The following OTOA variants were observed in gnomAD, a reference collection of about 807,000 sequenced individuals.
The protein encoded by OTOA is otoancorin, also known as cancer/testis antigen 108.
A neutral mutation model predicts 110.8 loss-of-function variants in OTOA; 70 were observed. That is an observed-to-expected ratio of 0.63 (90% confidence interval 0.52 to 0.77). OTOA has a LOEUF of 0.77. Among genes scored for constraint, OTOA ranks in the 30% least tolerant of loss-of-function variants. The probability of loss-of-function intolerance (pLI) is 0.00; values close to 1 mark genes in which losing one functional copy is unlikely to be tolerated. For synonymous variants in OTOA, 373 were observed against 431.5 expected (o/e 0.86, Z 1.68); for missense variants, 917 against 1,075.8 (o/e 0.85, Z 2.06).
At position 21,663,985 on chromosome 16, in the gene OTOA, C is replaced by T. The variant is rs951736709; in HGVS notation, c.-252C>T. On this transcript the variant is annotated 5_prime_UTR_variant, in exon 1 of 29. Transcript: ENST00000646100. ...TCCTAGCTGCCGCCCCGAAGAGTGGCTGGGGAGCAGGCATTTGTGCGTCTT... is the reference window on the plus strand; with the variant it reads ...TCCTAGCTGCCGCCCCGAAGAGTGGTTGGGGAGCAGGCATTTGTGCGTCTT... 1 of 152,252 alleles carries T rather than the reference C, an allele frequency of 6.6e-6. No individual in the cohort carries two copies. The highest frequency in any genetic ancestry group is 2.4e-5 in the African/African-American group (1 of 41,458). The allele number at this position is 152,252 out of a possible 1,614,324, so 9.4% of individuals were successfully genotyped here. A position where few individuals can be genotyped will look rare whatever the true frequency, so the allele number is the denominator to read the frequency against.
chr16:21,666,243 ATTTT>A (rs61085785), intron 1 of OTOA, among the ~76,000 whole-genome samples: 1 of 129,012 alleles, frequency 7.8e-6, no homozygotes, highest in Admixed American at 8.0e-5. Context: ...ATGAAATGGC[ATTTT>A]TTTTTTTTTT....
At chr16:21,689,565 T>A (rs139831059) in intron 8 of OTOA, among the ~76,000 whole-genome samples, 102 of 152,218 alleles carry the variant, frequency 6.7e-4, no homozygotes, top group Middle Eastern at 3.4e-3. Flanking sequence ...AATTGAATAG[T>A]TTTAGGTGTA....
chr16:21,678,194 A>G (rs1392004358), intron 1 of OTOA, among the ~76,000 whole-genome samples: 1 of 151,978 alleles, frequency 6.6e-6, no homozygotes, highest in Non-Finnish European at 1.5e-5. Flanking sequence ...CCCAGAGTCT[A>G]CTTTTGACTA....
At chr16:21,731,343 G>T (rs1369102564) in intron 21 of OTOA, among the ~76,000 whole-genome samples, 17 of 152,182 alleles carry the variant, frequency 1.1e-4, no homozygotes. Flanking sequence ...TTACATTTGG[G>T]CATGACGCTT....
chr16:21,665,851 C>T (rs1966839658), intron 1 of OTOA, among the ~76,000 whole-genome samples: 1 of 151,598 alleles, frequency 6.6e-6, no homozygotes, highest in Non-Finnish European at 1.5e-5. Flanking sequence ...TTTTTCCAGC[C>T]AGGGTTTTGC....
chr16:21,673,944 C>T (rs1386964174), intron 1 of OTOA, among the ~76,000 whole-genome samples: 3 of 151,468 alleles, frequency 2.0e-5, no homozygotes, highest in African/African-American at 7.3e-5. Context: ...ACTACAGGCG[C>T]CCACCACCAC....
intron 18 of OTOA, among the ~76,000 whole-genome samples, chr16:21,725,176 T>C (rs1898874291): frequency 6.6e-6 from 1 of 152,220 alleles, no homozygotes; most frequent in South Asian, 2.1e-4. Flanking sequence ...TTATATTTGG[T>C]GCCTAGAACA....
At chr16:21,692,572 G>A (rs1375889935) in intron 9 of OTOA, among the ~76,000 whole-genome samples, 1 of 152,098 alleles carries the variant, frequency 6.6e-6, no homozygotes, top group Non-Finnish European at 1.5e-5. Context: ...GGCTGGTAGT[G>A]ACGGTTGCAC....
chr16:21,705,515 A>C, intron 12 of OTOA: 1 of 686,676 alleles, frequency 1.5e-6, no homozygotes, highest in South Asian at 1.9e-5. Context: ...AAATTTAATC[A>C]GAAAGCTGTC....
chr16:21,676,076 C>T (rs1455315722), intron 1 of OTOA, among the ~76,000 whole-genome samples: 1 of 152,012 alleles, frequency 6.6e-6, no homozygotes, highest in Non-Finnish European at 1.5e-5. Flanking sequence ...CCTGCCACAT[C>T]CCTGGCAAAG....
At chr16:21,728,502 C>A in intron 20 of OTOA, 71 bp downstream of exon 20, 2 of 1,531,532 alleles carry the variant, frequency 1.3e-6, no homozygotes, top group Non-Finnish European at 1.8e-6. Context: ...CCTTGGCTCT[C>A]CTGCCCTGCA....
chr16:21,723,286 A>G (rs1284981880), intron 18 of OTOA, among the ~76,000 whole-genome samples: 1 of 152,152 alleles, frequency 6.6e-6, no homozygotes, highest in East Asian at 1.9e-4. Context: ...CAGGGGAATC[A>G]GAGTTGAGGG....
At chr16:21,738,354 G>A (rs1320927023) in intron 22 of OTOA, among the ~76,000 whole-genome samples, 1 of 117,256 alleles carries the variant, frequency 8.5e-6, no homozygotes, top group Admixed American at 1.0e-4. Context: ...TTTACTCTGG[G>A]TGGAGGCATC....
chr16:21,691,927 T>C (rs1213757928), intron 9 of OTOA, among the ~76,000 whole-genome samples: 1 of 152,188 alleles, frequency 6.6e-6, no homozygotes, highest in Non-Finnish European at 1.5e-5. Flanking sequence ...ATCTATGTTG[T>C]GTCCTAGTTT....
chr16:21,694,682 G>T (rs930949940), intron 9 of OTOA, among the ~76,000 whole-genome samples: 1 of 152,242 alleles, frequency 6.6e-6, no homozygotes, highest in East Asian at 1.9e-4. Context: ...AAATACAAAG[G>T]CCCTGAGATG....
rs563668852 is a variant in OTOA at position 21,722,028 on chromosome 16, AGCCTG to A, written c.1807-873_1807-869del. 8.6e-5 allele frequency among the ~76,000 whole-genome samples: 13 copies of A among 151,498 alleles called. No individual in the cohort carries two copies. The South Asian group carries it at 2.7e-3, about 32-fold the overall frequency. On this transcript the variant is annotated intron_variant, in intron 17 of 28. Coordinates refer to ENST00000646100, the MANE Select transcript of OTOA (RefSeq NM_144672.4). ...TACTTGAGGTTAGGAGTTCGAAACCAGCCTGGCCAACCTAAAAAAATTTTTAAAAA... is the reference window on the plus strand; with the variant it reads ...TACTTGAGGTTAGGAGTTCGAAACCAGCCAACCTAAAAAAATTTTTAAAAA...
intron 23 of OTOA, among the ~76,000 whole-genome samples, chr16:21,744,263 C>A (rs1597862898): frequency 1.3e-5 from 2 of 152,216 alleles, no homozygotes; most frequent in Non-Finnish European, 1.5e-5. Context: ...CCTCAGCCAC[C>A]CAAGTGGCTG....
At chr16:21,686,281 A>G (rs955233493) in intron 7 of OTOA, among the ~76,000 whole-genome samples, 2 of 150,034 alleles carry the variant, frequency 1.3e-5, no homozygotes, top group Admixed American at 6.7e-5. Context: ...TGCTCAGTAA[A>G]ATGGAGGCTT....
intron 9 of OTOA, 87 bp downstream of exon 9, chr16:21,691,774 T>C (rs1188486559): frequency 4.8e-6 from 6 of 1,247,406 alleles, no homozygotes; most frequent in Non-Finnish European, 6.9e-6. Flanking sequence ...ATGGATTTGA[T>C]GTTGTTCTCT....
Sources: allele counts gnomAD v4.1 joint callset (sites outside exome capture counted in the v4.1 genomes callset), GRCh38; gene constraint gnomAD v4.1.1; transcripts MANE v1.5; gene names NCBI Gene and HGNC (gene_info 2026-07-23, HGNC 2026-07-21).